DNER: variants seen among roughly 807,000 people sequenced by gnomAD.
The protein encoded by DNER is delta/notch like EGF repeat containing.
Under a neutral mutation model 78.2 loss-of-function variants are expected in DNER, and 33 were observed. That is an observed-to-expected ratio of 0.42 (90% CI 0.32 to 0.56). DNER has a LOEUF of 0.56. DNER is among the 20% of genes least tolerant of loss of function. The pLI, the probability that DNER is intolerant of heterozygous loss-of-function variation, is 0.11. For missense variants in DNER, 918 were observed against 975.3 expected (o/e 0.94, Z 0.78); for synonymous variants, 417 against 384.8 (o/e 1.08, Z -0.98).
In DNER at chr2:229,451,568, T is replaced by C. The variant is rs1246441231; in HGVS notation, c.1262-4028A>G. ...GGTGAACTATTTCATTTAATCCTAC[T>C]ATTATAGTAGGATGTAAGAACTATA... On this transcript the variant is annotated intron_variant, in intron 7 of 12. Coordinates refer to ENST00000341772, the MANE Select transcript of DNER (RefSeq NM_139072.4). 2.6e-5 allele frequency among the ~76,000 whole-genome samples: 4 copies of C among 152,246 alleles called. No individual in the cohort carries two copies. The East Asian group carries it at 5.8e-4, about 22-fold the overall frequency.
rs11311506 is a variant in DNER, at chr2:229,431,792, T to TA, written c.1487-13563dup. Reference sequence around the variant, plus strand: ...CTAAAACTTAAAGTATAATAATAATTAAAAAAAAAGAAAAAAAAGATGTCT... The same window carrying TA: ...CTAAAACTTAAAGTATAATAATAATTAAAAAAAAAAGAAAAAAAAGATGTCT... On this transcript the variant is annotated intron_variant, in intron 8 of 12. Transcript: ENST00000341772. Among the ~76,000 whole-genome samples the TA allele has an allele frequency of 5.4e-5, 8 of 146,790 alleles. No homozygotes were observed. The East Asian group carries it at 6.0e-4, about 11-fold the overall frequency.
intron 1 of DNER, among the ~76,000 whole-genome samples, chr2:229,668,651 A>G (rs1235198740): frequency 2.7e-5 from 4 of 149,442 alleles, no homozygotes; most frequent in East Asian, 3.9e-4. Flanking sequence ...AGAGAAATGC[A>G]AATCAAAACC....
At chr2:229,573,742 T>C (rs1429718715) in intron 4 of DNER, among the ~76,000 whole-genome samples, 1 of 152,168 alleles carries the variant, frequency 6.6e-6, no homozygotes, top group Non-Finnish European at 1.5e-5. Context: ...TAACATTAAA[T>C]GAGAGGAATG....
In DNER at chr2:229,397,764, A is replaced by T. The variant is rs190549821; in HGVS notation, c.1724-9368T>A. On this transcript the variant is annotated intron_variant, in intron 10 of 12. Transcript: ENST00000341772. ...CACTTGAAAAATAAACAACATGCTC[A>T]TAAGTAATCTATGGATCAAAGAGGA... Among the ~76,000 whole-genome samples, 5 of 152,328 alleles carry T rather than the reference A, an allele frequency of 3.3e-5. No homozygotes were observed. In the East Asian group the frequency reaches 9.6e-4, roughly 29 times the overall value.
chr2:229,437,282 G>A (rs559711468), intron 8 of DNER, among the ~76,000 whole-genome samples: 5 of 152,204 alleles, frequency 3.3e-5, no homozygotes, highest in Non-Finnish European at 7.3e-5. Context: ...AAAAGGTTAT[G>A]TATCAATCTG....
Position 229,442,238 on chromosome 2 carries a change from C to T in DNER, c.1486+5078G>A, listed in dbSNP as rs576469665. 3.9e-5 allele frequency among the ~76,000 whole-genome samples: 6 copies of T among 152,258 alleles called. No homozygotes were observed. In the East Asian group the frequency reaches 5.8e-4, roughly 15 times the overall value. ...TAAATATAAGAATGCCTTCATCGGC[C>T]GGGAGCAGTGCTCACGCCTGTAATC... On this transcript the variant is annotated intron_variant, in intron 8 of 12. Coordinates refer to ENST00000341772, the MANE Select transcript of DNER (RefSeq NM_139072.4).
At chr2:229,563,146 A>C (rs1696996692) in intron 4 of DNER, among the ~76,000 whole-genome samples, 1 of 130,980 alleles carries the variant, frequency 7.6e-6, no homozygotes, top group African/African-American at 3.0e-5. Context: ...CACCATCATC[A>C]TCCTCCTCAC....
chr2:229,607,789 G>A (rs1472831490), intron 1 of DNER, among the ~76,000 whole-genome samples: 1 of 151,982 alleles, frequency 6.6e-6, no homozygotes, highest in African/African-American at 2.4e-5. Context: ...TTGGGGGGCC[G>A]AGGTGGTCGA....
intron 11 of DNER, among the ~76,000 whole-genome samples, chr2:229,369,218 A>T (rs1268199661): frequency 2.0e-5 from 3 of 151,934 alleles, no homozygotes; most frequent in Admixed American, 6.5e-5. Flanking sequence ...CTAAAAAGTT[A>T]AAAAAAGGTT....
intron 10 of DNER, among the ~76,000 whole-genome samples, chr2:229,402,209 TA>T (rs549684074): frequency 3.3e-5 from 5 of 152,150 alleles, no homozygotes; most frequent in South Asian, 2.1e-4. Context: ...AAGATACCAT[TA>T]AAAAAATGCA....
chr2:229,450,689 C>A lies in DNER; in HGVS notation c.1262-3149G>T, dbSNP rs201602811. 3.3e-5 allele frequency among the ~76,000 whole-genome samples: 5 copies of A among 152,240 alleles called. No homozygotes were observed. In the East Asian group the frequency reaches 7.7e-4, roughly 24 times the overall value. On this transcript the variant is annotated intron_variant, in intron 7 of 12. Coordinates refer to ENST00000341772, the MANE Select transcript of DNER (RefSeq NM_139072.4). ...GAAAAAGACACCAGAGATGCCTGTG[C>A]ACAAAGGAAAAGACCTTGTGAGGAG...
At position 229,412,408 on chromosome 2, in the gene DNER, C is replaced by A. The variant is rs139128973; in HGVS notation, c.1610-5063G>T. 6.4e-3 allele frequency among the ~76,000 whole-genome samples: 971 copies of A among 152,250 alleles called. 12 individuals carry two copies. The highest frequency in any genetic ancestry group is 0.022 in the African/African-American group (924 of 41,530). The stretch of plus-strand genomic sequence containing the variant: ...TTGAGCATTTGTTCTGTGCGAGCCA[C>A]CATAGTAAGAGCTGTAGAGAATTTA... On this transcript the variant is annotated intron_variant, in intron 9 of 12. Coordinates refer to ENST00000341772, the MANE Select transcript of DNER (RefSeq NM_139072.4).
At chr2:229,442,446 C>T (rs1014690409) in intron 8 of DNER, among the ~76,000 whole-genome samples, 2 of 151,290 alleles carry the variant, frequency 1.3e-5, no homozygotes, top group African/African-American at 2.4e-5. Context: ...ACCTGGGAGG[C>T]GGAGGTTGCA....
At chr2:229,669,151 G>A (rs1699163165) in intron 1 of DNER, among the ~76,000 whole-genome samples, 1 of 152,034 alleles carries the variant, frequency 6.6e-6, no homozygotes, top group Non-Finnish European at 1.5e-5. Context: ...TCACTCACAA[G>A]TGGGAGTTGA....
At chr2:229,537,056 T>C (rs1381847483) in intron 5 of DNER, among the ~76,000 whole-genome samples, 1 of 152,096 alleles carries the variant, frequency 6.6e-6, no homozygotes, top group Non-Finnish European at 1.5e-5. Context: ...AGTGCGTTGG[T>C]GTAAGGTCCG....
At chr2:229,543,155 T>TA (rs983190864) in intron 5 of DNER, among the ~76,000 whole-genome samples, 33 of 145,008 alleles carry the variant, frequency 2.3e-4, no homozygotes, top group East Asian at 6.2e-4. Context: ...CTTAAAGTAT[T>TA]AAAAAAAAAA....
chr2:229,398,012 A>G (rs1376540615), intron 10 of DNER, among the ~76,000 whole-genome samples: 3 of 152,124 alleles, frequency 2.0e-5, no homozygotes, highest in South Asian at 2.1e-4. Context: ...AAAGAAGAAA[A>G]TCATAGACAT....
intron 3 of DNER, chr2:229,586,650 A>C: frequency 1.0e-6 from 1 of 984,978 alleles, no homozygotes; most frequent in Non-Finnish European, 1.2e-6. Flanking sequence ...TCACAGCCCA[A>C]TGCTTCAGCT....
chr2:229,586,187 A>G (rs1697492025), intron 3 of DNER, among the ~76,000 whole-genome samples, 163 bp from the exon 4 acceptor site: 1 of 152,186 alleles, frequency 6.6e-6, no homozygotes. Flanking sequence ...GTAAAGGCGT[A>G]CACTCCCACT....
Sources: gnomAD v4.1 joint callset for allele counts (sites outside exome capture counted in the v4.1 genomes callset) on GRCh38, gnomAD v4.1.1 for gene constraint, MANE v1.5 for transcripts, NCBI Gene and HGNC (gene_info 2026-07-23, HGNC 2026-07-21) for gene names.